The following KCTD8 variants were observed in gnomAD, a reference collection of about 807,000 sequenced individuals.
KCTD8 encodes the protein BTB/POZ domain-containing protein KCTD8.
Under a neutral mutation model 31.5 loss-of-function variants are expected in KCTD8, and 27 were observed. The ratio of observed to expected loss-of-function variants is 0.86; its 90% CI spans 0.63 to 1.18. KCTD8 has a LOEUF of 1.18. KCTD8 is among the 50% of genes most tolerant of loss of function. The pLI, the probability that KCTD8 is intolerant of heterozygous loss-of-function variation, is 0.00. For synonymous variants in KCTD8, 290 were observed against 280.0 expected, an observed-to-expected ratio of 1.04 and a Z score of -0.36; for missense variants, 658 against 647.7, an observed-to-expected ratio of 1.02 and a Z score of -0.17.
intron 1 of KCTD8, among the ~76,000 whole-genome samples, chr4:44,180,706 C>T (rs1237397088): frequency 6.6e-6 from 1 of 152,122 alleles, no homozygotes; most frequent in Non-Finnish European, 1.5e-5. Flanking sequence ...TCAGCCACTC[C>T]AACCAAGCAA....
At chr4:44,307,697 C>G in intron 1 of KCTD8, among the ~76,000 whole-genome samples, 1 of 150,922 alleles carries the variant, frequency 6.6e-6, no homozygotes, top group East Asian at 1.9e-4. Context: ...AGAGAAAATA[C>G]TCTGTTTCAA....
chr4:44,368,069 T>C (rs1186961550), intron 1 of KCTD8, among the ~76,000 whole-genome samples: 1 of 152,064 alleles, frequency 6.6e-6, no homozygotes, highest in Non-Finnish European at 1.5e-5. Context: ...CAGTGTCTGG[T>C]TTATATCAGT....
chr4:44,413,238 C>A (rs548920828), intron 1 of KCTD8, among the ~76,000 whole-genome samples: 1 of 152,196 alleles, frequency 6.6e-6, no homozygotes, highest in African/African-American at 2.4e-5. Context: ...ATCAGTACAT[C>A]TAAATGAGGA....
intron 1 of KCTD8, among the ~76,000 whole-genome samples, chr4:44,285,403 A>C (rs1717033939): frequency 6.6e-6 from 1 of 152,104 alleles, no homozygotes; most frequent in South Asian, 2.1e-4. Flanking sequence ...GTTCTCACTC[A>C]TAAGTGGGAG....
intron 1 of KCTD8, among the ~76,000 whole-genome samples, chr4:44,390,479 C>T (rs1720344094): frequency 6.6e-6 from 1 of 152,036 alleles, no homozygotes; most frequent in South Asian, 2.1e-4. Context: ...GTTCTCTATA[C>T]TGTTTCATTG....
intron 1 of KCTD8, among the ~76,000 whole-genome samples, chr4:44,433,655 C>T (rs1311386312): frequency 6.6e-6 from 1 of 151,578 alleles, no homozygotes; most frequent in Non-Finnish European, 1.5e-5. Context: ...CTAGAAATAT[C>T]ATTCATCTTT....
intron 1 of KCTD8, among the ~76,000 whole-genome samples, chr4:44,420,510 G>A (rs1172270707): frequency 6.6e-6 from 1 of 152,188 alleles, no homozygotes; most frequent in Non-Finnish European, 1.5e-5. Context: ...CAGGTGAAAA[G>A]AATGGACACA....
At chr4:44,250,284 C>T (rs762128670) in intron 1 of KCTD8, among the ~76,000 whole-genome samples, 8 of 151,600 alleles carry the variant, frequency 5.3e-5, no homozygotes, top group African/African-American at 1.5e-4. Context: ...TCATATCTTG[C>T]CATATATGGT....
intron 1 of KCTD8, among the ~76,000 whole-genome samples, chr4:44,394,771 C>A (rs1720455832): frequency 6.6e-6 from 1 of 152,120 alleles, no homozygotes; most frequent in Non-Finnish European, 1.5e-5. Context: ...CAAAACTTTA[C>A]TTGATTCAGT....
At chr4:44,270,535 G>T (rs1417337846) in intron 1 of KCTD8, among the ~76,000 whole-genome samples, 1 of 151,712 alleles carries the variant, frequency 6.6e-6, no homozygotes, top group Non-Finnish European at 1.5e-5. Context: ...AAAACTTAAA[G>T]TATAATAATA....
chr4:44,260,583 T>C (rs1716132695), intron 1 of KCTD8, among the ~76,000 whole-genome samples: 1 of 151,846 alleles, frequency 6.6e-6, no homozygotes, highest in African/African-American at 2.4e-5. Flanking sequence ...ATGAACGAAA[T>C]GAGAGTTAAG....
chr4:44,311,167 C>T (rs771699000), intron 1 of KCTD8, among the ~76,000 whole-genome samples: 1 of 152,064 alleles, frequency 6.6e-6, no homozygotes, highest in Non-Finnish European at 1.5e-5. Context: ...CTTTTAGACT[C>T]TTATTTCTTC....
intron 1 of KCTD8, among the ~76,000 whole-genome samples, chr4:44,323,501 C>CG (rs1553901397): frequency 2.1e-5 from 1 of 47,344 alleles, no homozygotes; most frequent in African/African-American, 5.8e-5. Context: ...TCCCCACCCA[C>CG]CCCCCCCCAA....
At chr4:44,324,859 T>C (rs1395264094) in intron 1 of KCTD8, among the ~76,000 whole-genome samples, 3 of 152,020 alleles carry the variant, frequency 2.0e-5, no homozygotes, top group African/African-American at 4.8e-5. Context: ...GAGGAAAGAA[T>C]TTGAAATTTG....
chr4:44,438,210 T>C (rs535797853), intron 1 of KCTD8, among the ~76,000 whole-genome samples: 83 of 152,296 alleles, frequency 5.4e-4, no homozygotes, highest in African/African-American at 1.0e-3. Context: ...AAAACTTATA[T>C]TGAAGATATG....
intron 1 of KCTD8, among the ~76,000 whole-genome samples, chr4:44,211,873 AT>A: frequency 6.6e-6 from 1 of 152,050 alleles, no homozygotes; most frequent in South Asian, 2.1e-4. Flanking sequence ...TTATTTTATT[AT>A]TTTCATTATA....
intron 1 of KCTD8, among the ~76,000 whole-genome samples, chr4:44,386,795 TC>T: frequency 6.6e-6 from 1 of 151,754 alleles, no homozygotes; most frequent in Admixed American, 6.6e-5. Context: ...ATATCGGCAC[TC>T]CTATGTTTAA....
intron 1 of KCTD8, among the ~76,000 whole-genome samples, chr4:44,381,295 T>C (rs1200777633): frequency 6.6e-6 from 1 of 152,060 alleles, no homozygotes; most frequent in Non-Finnish European, 1.5e-5. Flanking sequence ...AATTAATAGA[T>C]GAACTCAGCA....
At chr4:44,245,281 TATATAAA>T (rs1236743003) in intron 1 of KCTD8, among the ~76,000 whole-genome samples, 1 of 151,928 alleles carries the variant, frequency 6.6e-6, no homozygotes, top group Admixed American at 6.6e-5. Flanking sequence ...TGTTTTAAAA[TATATAAA>T]ATATTAGCCA....
Sources: gnomAD v4.1 joint callset for allele counts (sites outside exome capture counted in the v4.1 genomes callset) on GRCh38, gnomAD v4.1.1 for gene constraint, MANE v1.5 for transcripts, NCBI Gene and HGNC (gene_info 2026-07-23, HGNC 2026-07-21) for gene names.